Variants in PLCB1 observed in about 807,000 individuals in gnomAD.
The protein encoded by PLCB1 is phospholipase C beta 1.
A neutral mutation model predicts 161.8 loss-of-function variants in PLCB1; 46 were observed. The observed-to-expected ratio is 0.28, with a 90% CI of 0.22 to 0.36. The LOEUF (loss-of-function observed/expected upper bound fraction) is 0.36, where lower values mean the gene tolerates loss of function less well. Among genes scored for constraint, PLCB1 ranks in the 10% least tolerant of loss-of-function variants. PLCB1 has a pLI of 1.00. For missense variants in PLCB1, 1,016 were observed against 1,472.5 expected, an observed-to-expected ratio of 0.69 and a Z score of 5.07; for synonymous variants, 517 against 503.7, an observed-to-expected ratio of 1.03 and a Z score of -0.35.
intron 2 of PLCB1, among the ~76,000 whole-genome samples, chr20:8,175,066 C>T (rs1458015227): frequency 6.6e-6 from 1 of 152,008 alleles, no homozygotes; most frequent in East Asian, 1.9e-4. Context: ...AAGACCCCAT[C>T]TCTAAAAAAT....
intron 27 of PLCB1, among the ~76,000 whole-genome samples, chr20:8,783,461 A>G (rs1195613378): frequency 6.6e-6 from 1 of 152,250 alleles, no homozygotes; most frequent in Admixed American, 6.5e-5. Flanking sequence ...TACTATTTTC[A>G]CATCTTATGC....
At position 8,368,528 on chromosome 20, in the gene PLCB1, CAA is replaced by C. The variant is rs1216338206; in HGVS notation, c.178-2833_178-2832del. Among the ~76,000 whole-genome samples, 280 of 63,770 alleles carry C rather than the reference CAA, an allele frequency of 4.4e-3. 1 individual carries two copies. Among genetic ancestry groups the C allele is most frequent in the African/African-American group, 0.014 (233 of 16,650 alleles). The allele number at this position is 63,770 out of a possible 152,430, so 41.8% of individuals were successfully genotyped here. On this transcript the variant is annotated intron_variant, in intron 2 of 31. Coordinates refer to ENST00000338037, the MANE Select transcript of PLCB1 (RefSeq NM_015192.4). ...GGTGATGGAGTGAGACTCTGTCTCT[CAA>C]AAAAAAAAAAAAAAAAAAAAGAAAA...
At chr20:8,862,413 C>A (rs1282579008) in intron 31 of PLCB1, among the ~76,000 whole-genome samples, 1 of 152,142 alleles carries the variant, frequency 6.6e-6, no homozygotes, top group African/African-American at 2.4e-5. Flanking sequence ...ACATCAATTT[C>A]TCTTCTCCGT....
At chr20:8,416,166 A>C (rs1979262546) in intron 3 of PLCB1, among the ~76,000 whole-genome samples, 1 of 152,184 alleles carries the variant, frequency 6.6e-6, no homozygotes, top group Non-Finnish European at 1.5e-5. Flanking sequence ...TCTAAATTCA[A>C]GGTATTGTGA....
chr20:8,255,159 T>C (rs1191030937), intron 2 of PLCB1, among the ~76,000 whole-genome samples: 1 of 152,098 alleles, frequency 6.6e-6, no homozygotes, highest in African/African-American at 2.4e-5. Context: ...ACTAGTGGTC[T>C]TGACCCACGG....
At chr20:8,170,844 C>G (rs1337181575) in intron 2 of PLCB1, among the ~76,000 whole-genome samples, 1 of 152,150 alleles carries the variant, frequency 6.6e-6, no homozygotes, top group African/African-American at 2.4e-5. Flanking sequence ...TACAGTCGTT[C>G]TGAGAGAGCA....
chr20:8,654,202 AT>A (rs1256570234), intron 7 of PLCB1, among the ~76,000 whole-genome samples: 4 of 152,008 alleles, frequency 2.6e-5, no homozygotes, highest in Non-Finnish European at 5.9e-5. Context: ...TAAGCATGGT[AT>A]TGAAACACTT....
At chr20:8,156,082 C>T (rs1299012237) in intron 2 of PLCB1, among the ~76,000 whole-genome samples, 2 of 152,182 alleles carry the variant, frequency 1.3e-5, no homozygotes, top group Non-Finnish European at 1.5e-5. Context: ...CTCACCACTC[C>T]TGAGAACATA....
At chr20:8,523,492 CTCTCTATATATATA>C (rs1395256987) in intron 3 of PLCB1, among the ~76,000 whole-genome samples, 7 of 61,846 alleles carry the variant, frequency 1.1e-4, no homozygotes, top group African/African-American at 2.8e-4. Flanking sequence ...CTCTCTCTCT[CTCTCTATATATATA>C]TATATATATA....
intron 3 of PLCB1, among the ~76,000 whole-genome samples, chr20:8,602,596 C>T (rs1001791181): frequency 6.6e-6 from 1 of 152,000 alleles, no homozygotes; most frequent in African/African-American, 2.4e-5. Context: ...ACAGAAAAGC[C>T]TCTGTCATTT....
At chr20:8,281,834 T>C (rs1982890177) in intron 2 of PLCB1, among the ~76,000 whole-genome samples, 1 of 152,160 alleles carries the variant, frequency 6.6e-6, no homozygotes, top group African/African-American at 2.4e-5. Context: ...CAGGGATTGT[T>C]CTAAATGCTG....
chr20:8,862,294 G>A (rs1039821712), intron 31 of PLCB1, among the ~76,000 whole-genome samples: 12 of 152,292 alleles, frequency 7.9e-5, no homozygotes, highest in Non-Finnish European at 1.3e-4. Context: ...GGACCAACTG[G>A]CATTTTAGTT....
At chr20:8,610,519 A>G (rs1341337337) in intron 3 of PLCB1, among the ~76,000 whole-genome samples, 1 of 152,200 alleles carries the variant, frequency 6.6e-6, no homozygotes, top group Admixed American at 6.5e-5. Flanking sequence ...TTGCTGGGTC[A>G]TATGATGGCT....
At chr20:8,176,479 A>G (rs8123828) in intron 2 of PLCB1, among the ~76,000 whole-genome samples, 3,066 of 152,300 alleles carry the variant, frequency 0.02, 77 homozygotes, top group African/African-American at 0.067. Flanking sequence ...AGTGTTAGGC[A>G]CAGGCGTAGG....
intron 31 of PLCB1, among the ~76,000 whole-genome samples, chr20:8,824,531 T>A (rs558353282): frequency 6.6e-6 from 1 of 151,674 alleles, no homozygotes; most frequent in East Asian, 1.9e-4. Context: ...TGAGAAAGAG[T>A]GTGTGATAGA....
intron 3 of PLCB1, among the ~76,000 whole-genome samples, chr20:8,546,418 C>A (rs1985552084): frequency 6.6e-6 from 1 of 150,812 alleles, no homozygotes; most frequent in African/African-American, 2.4e-5. Context: ...ATGAATATTT[C>A]ACTGGTATTT....
intron 2 of PLCB1, among the ~76,000 whole-genome samples, chr20:8,254,905 T>TA (rs1981331943): frequency 6.6e-6 from 1 of 152,054 alleles, no homozygotes. Flanking sequence ...CCTTTGCCAA[T>TA]TAACCCAATG....
At chr20:8,743,232 A>G (rs1335151449) in intron 23 of PLCB1, among the ~76,000 whole-genome samples, 2 of 152,152 alleles carry the variant, frequency 1.3e-5, no homozygotes, top group Non-Finnish European at 2.9e-5. Flanking sequence ...TTCTATACCC[A>G]GGTGGGGTTT....
At chr20:8,603,217 T>C (rs946285786) in intron 3 of PLCB1, among the ~76,000 whole-genome samples, 9 of 152,180 alleles carry the variant, frequency 5.9e-5, no homozygotes, top group African/African-American at 1.9e-4. Context: ...TTCTTTTTTC[T>C]CATTGACTTT....
Sources: gnomAD v4.1 joint callset for allele counts (sites outside exome capture counted in the v4.1 genomes callset) on GRCh38, gnomAD v4.1.1 for gene constraint, MANE v1.5 for transcripts, NCBI Gene and HGNC (gene_info 2026-07-23, HGNC 2026-07-21) for gene names.